Variants in ZC2HC1A observed in about 807,000 individuals in gnomAD.
ZC2HC1A encodes zinc finger C2HC domain-containing protein 1A.
ZC2HC1A carries 28 observed loss-of-function variants against 40.7 expected under a neutral mutation model. The ratio of observed to expected loss-of-function variants is 0.69; its 90% CI spans 0.51 to 0.94. ZC2HC1A has a LOEUF of 0.94. ZC2HC1A is among the 40% of genes least tolerant of loss of function. The pLI, the probability that ZC2HC1A is intolerant of heterozygous loss-of-function variation, is 0.00. For missense variants in ZC2HC1A, 389 were observed against 386.3 expected, an observed-to-expected ratio of 1.01 and a Z score of -0.06; for synonymous variants, 129 against 129.2, an observed-to-expected ratio of 1.00 and a Z score of 0.01.
chr8:78,714,233 A>T (rs1232061668), intron 7 of ZC2HC1A, among the ~76,000 whole-genome samples: 2 of 152,146 alleles, frequency 1.3e-5, no homozygotes, highest in African/African-American at 4.8e-5. Flanking sequence ...TAAGTTACTT[A>T]GGGGCTCTTT....
intron 7 of ZC2HC1A, among the ~76,000 whole-genome samples, chr8:78,713,432 A>G (rs370456363): frequency 6.6e-6 from 1 of 152,012 alleles, no homozygotes; most frequent in Non-Finnish European, 1.5e-5. Flanking sequence ...TATTGTTTGT[A>G]TATCTCATGC....
Position 78,717,987 on chromosome 8 carries a change from A to G in ZC2HC1A, c.*494A>G, listed in dbSNP as rs1811159022. The G allele has an allele frequency of 6.6e-6, 1 of 152,076 alleles. No homozygotes were observed. The highest frequency in any genetic ancestry group is 2.4e-5 in the African/African-American group (1 of 41,366). The allele number at this position is 152,076 out of a possible 1,614,324, so 9.4% of individuals were successfully genotyped here. A position where few individuals can be genotyped will look rare whatever the true frequency, so the allele number is the denominator to read the frequency against. ...AGAACAGTTTTAGTTACCATTAGGT[A>G]TGTTAAGGTCACTCCTGTAGAGCAT... On this transcript the variant is annotated 3_prime_UTR_variant, in exon 9 of 9. Coordinates refer to ENST00000263849, the MANE Select transcript of ZC2HC1A (RefSeq NM_016010.3).
chr8:78,708,948 G>A (rs1810870617), intron 7 of ZC2HC1A, among the ~76,000 whole-genome samples: 1 of 152,078 alleles, frequency 6.6e-6, no homozygotes. Flanking sequence ...TTACAGGCAT[G>A]AGCCACCACG....
Position 78,686,431 on chromosome 8 carries a change from G to C in ZC2HC1A, c.211-36G>C, listed in dbSNP as rs534300285. The C allele has an allele frequency of 4.4e-6, 5 of 1,136,916 alleles. No individual in the cohort carries two copies. In the African/African-American group the frequency reaches 6.6e-5, roughly 15 times the overall value. The allele number at this position is 1,136,916 out of a possible 1,614,324, so 70.4% of individuals were successfully genotyped here. ...TCAATATACTAAAAAGATACTGTTT[G>C]TTTATTTATTTATTTATTTATTTAT... On this transcript the variant is annotated intron_variant, in intron 3 of 8. Coordinates refer to ENST00000263849, the MANE Select transcript of ZC2HC1A (RefSeq NM_016010.3).
At chr8:78,684,822 A>T (rs1350427945) in intron 3 of ZC2HC1A, among the ~76,000 whole-genome samples, 1 of 152,208 alleles carries the variant, frequency 6.6e-6, no homozygotes. Context: ...GACTTCCACA[A>T]AGTAAAAAAA....
chr8:78,686,167 T>G (rs1411906099), intron 3 of ZC2HC1A, among the ~76,000 whole-genome samples: 1 of 152,178 alleles, frequency 6.6e-6, no homozygotes, highest in Non-Finnish European at 1.5e-5. Flanking sequence ...AACATGAGTT[T>G]TGGAGGGAAC....
intron 7 of ZC2HC1A, among the ~76,000 whole-genome samples, chr8:78,712,930 A>T (rs928221749): frequency 5.3e-5 from 8 of 152,300 alleles, no homozygotes; most frequent in African/African-American, 1.9e-4. Context: ...TAACTAGATA[A>T]ACAAAGGTAG....
intron 7 of ZC2HC1A, among the ~76,000 whole-genome samples, chr8:78,704,307 G>A (rs995260312): frequency 2.0e-5 from 3 of 148,278 alleles, no homozygotes; most frequent in Middle Eastern, 3.5e-3. Flanking sequence ...AGAATTGCTC[G>A]AACCCAGGAG....
At chr8:78,695,481 A>G (rs1810370301) in intron 5 of ZC2HC1A, among the ~76,000 whole-genome samples, 1 of 152,020 alleles carries the variant, frequency 6.6e-6, no homozygotes, top group South Asian at 2.1e-4. Context: ...TATGCTAATC[A>G]TTTTGCTCTT....
At chr8:78,668,620 G>T (rs894762705) in intron 1 of ZC2HC1A, among the ~76,000 whole-genome samples, 1 of 152,134 alleles carries the variant, frequency 6.6e-6, no homozygotes, top group African/African-American at 2.4e-5. Context: ...ATAGTCAATA[G>T]ATGAGGTATT....
rs1811152699 is a variant in ZC2HC1A at position 78,717,807 on chromosome 8, C to T, written c.*314C>T. ...TGTTGTTGTTAAAGCACGTTAAGTA[C>T]ATTTCCACAAACTCTCATACTCTAG... On this transcript the variant is annotated 3_prime_UTR_variant, in exon 9 of 9. Transcript: ENST00000263849. The T allele has an allele frequency of 5.5e-6, 1 of 181,832 alleles. No homozygotes were observed. The highest frequency in any genetic ancestry group is 1.4e-4 in the South Asian group (1 of 7,144). 11.3% of individuals were successfully genotyped at this position (181,832 alleles called of 1,614,324 possible).
chr8:78,692,799 G>A (rs544175237), intron 5 of ZC2HC1A, among the ~76,000 whole-genome samples: 116 of 152,106 alleles, frequency 7.6e-4, no homozygotes, highest in African/African-American at 2.7e-3. Flanking sequence ...TGTTACATAC[G>A]TGTACATATG....
Position 78,684,161 on chromosome 8 carries a change from C to T in ZC2HC1A, c.211-2306C>T, listed in dbSNP as rs531424719. On this transcript the variant is annotated intron_variant, in intron 3 of 8. Transcript: ENST00000263849. ...TACACATTTTGGGGTATCTTAATAG[C>T]AGTACCCCACTCCACCAGTACCAAC... Among the ~76,000 whole-genome samples, 9 of 152,316 alleles carry T rather than the reference C, an allele frequency of 5.9e-5. No individual in the cohort carries two copies. In the South Asian group the frequency reaches 1.9e-3, roughly 32 times the overall value.
intron 3 of ZC2HC1A, among the ~76,000 whole-genome samples, chr8:78,680,286 C>CAAAA (rs3070855): frequency 4.5e-5 from 4 of 88,144 alleles, no homozygotes; most frequent in African/African-American, 1.4e-4. Context: ...GACTCCGTCT[C>CAAAA]AAAAAAAAAA....
At chr8:78,712,237 T>C (rs1214054906) in intron 7 of ZC2HC1A, 2 of 394,336 alleles carry the variant, frequency 5.1e-6, no homozygotes, top group African/African-American at 4.4e-5. Context: ...AGCCAAAATG[T>C]GTCAAATAAT....
At chr8:78,689,565 A>G (rs1329432857) in intron 5 of ZC2HC1A, among the ~76,000 whole-genome samples, 192 bp downstream of exon 5, 4 of 151,980 alleles carry the variant, frequency 2.6e-5, no homozygotes, top group Admixed American at 1.3e-4. Context: ...CTAATTGTGT[A>G]TAGTGTGAAG....
In ZC2HC1A at chr8:78,686,593, C is replaced by G; in HGVS notation, c.337C>G (p.Pro113Ala). ...TGGCAAACTTCCTCCTCCTCCTCCACCTTCTTATGATCCTGGTATTTGGAA... is the reference window on the plus strand; with the variant it reads ...TGGCAAACTTCCTCCTCCTCCTCCAGCTTCTTATGATCCTGGTATTTGGAA... ...EGGKLPPPPP[P>A]SYDPDYIQCP... The change falls in exon 4 of 9, where the codon CCT becomes GCT. Residue 113 changes from proline to alanine, a missense_variant. Pro to Ala is a conservative substitution (Grantham distance 27). Coordinates refer to ENST00000263849, the MANE Select transcript of ZC2HC1A (RefSeq NM_016010.3). The G allele has an allele frequency of 6.6e-7, 1 of 1,518,700 alleles. No homozygotes were observed. The highest frequency in any genetic ancestry group is 8.8e-7 in the Non-Finnish European group (1 of 1,134,324). 94.1% of individuals were successfully genotyped at this position (1,518,700 alleles called of 1,614,324 possible).
rs1289873585 is a variant in ZC2HC1A, at chr8:78,698,356, T to C, written c.605-58T>C. On this transcript the variant is annotated intron_variant, in intron 6 of 8. Coordinates refer to ENST00000263849, the MANE Select transcript of ZC2HC1A (RefSeq NM_016010.3). Reference sequence around the variant, plus strand: ...AAGCATTGTTTCCTTTGTTAGATGCTCTGTTTTATGTAACCTTTTTTAGAG... The same window carrying C: ...AAGCATTGTTTCCTTTGTTAGATGCCCTGTTTTATGTAACCTTTTTTAGAG... 2.2e-6 allele frequency: 3 copies of C among 1,364,526 alleles called. No homozygotes were observed. The African/African-American group carries it at 4.4e-5, about 20-fold the overall frequency. The allele number at this position is 1,364,526 out of a possible 1,614,324, so 84.5% of individuals were successfully genotyped here.
chr8:78,683,251 A>G (rs1208867041), intron 3 of ZC2HC1A, among the ~76,000 whole-genome samples: 1 of 152,192 alleles, frequency 6.6e-6, no homozygotes, highest in African/African-American at 2.4e-5. Flanking sequence ...GTGGACTCCA[A>G]TCTCTTATTT....
Sources: gnomAD v4.1 joint callset for allele counts (sites outside exome capture counted in the v4.1 genomes callset) on GRCh38, gnomAD v4.1.1 for gene constraint, MANE v1.5 for transcripts, NCBI Gene and HGNC (gene_info 2026-07-23, HGNC 2026-07-21) for gene names.